OR1J2: variants seen among roughly 807,000 people sequenced by gnomAD.
The protein encoded by OR1J2 is olfactory receptor 1J2.
For synonymous variants in OR1J2, 142 were observed against 99.7 expected (o/e 1.42, Z -2.52); for missense variants, 304 against 246.1 (o/e 1.24, Z -1.57).
chr9:122,532,779 A>G, the OR1J2 span, among the ~76,000 whole-genome samples: 394 of 152,298 alleles, frequency 2.6e-3, 1 homozygote, highest in African/African-American at 9.2e-3. Context: ...GTTTGGACAG[A>G]AAGGCTACAG....
At chr9:122,496,666 T>C in the OR1J2 span, among the ~76,000 whole-genome samples, 1 of 152,092 alleles carries the variant, frequency 6.6e-6, no homozygotes, top group East Asian at 1.9e-4. Context: ...AAGTAACATA[T>C]GTAAGATGAA....
At chr9:122,564,321 T>C in the OR1J2 span, among the ~76,000 whole-genome samples, 1 of 152,158 alleles carries the variant, frequency 6.6e-6, no homozygotes, top group African/African-American at 2.4e-5. Flanking sequence ...TGTGGTTATT[T>C]CTCCAATTCT....
At chr9:122,451,810 A>C in the OR1J2 span, among the ~76,000 whole-genome samples, 1 of 152,270 alleles carries the variant, frequency 6.6e-6, no homozygotes, top group Middle Eastern at 3.4e-3. Context: ...TAATTACTGG[A>C]GGTCATTGCT....
At chr9:122,463,919 G>A in the OR1J2 span, among the ~76,000 whole-genome samples, 14 of 152,170 alleles carry the variant, frequency 9.2e-5, no homozygotes, top group East Asian at 3.9e-4. Context: ...AGGAGGTGGC[G>A]CTTTCAAGAG....
chr9:122,552,538 C>G, the OR1J2 span, among the ~76,000 whole-genome samples: 2 of 151,718 alleles, frequency 1.3e-5, no homozygotes, highest in Non-Finnish European at 2.9e-5. Context: ...TATTTGTATG[C>G]GTGTGTGTGG....
chr9:122,520,077 C>G, the OR1J2 span: 1 of 1,606,372 alleles, frequency 6.2e-7, no homozygotes, highest in Non-Finnish European at 8.5e-7. Context: ...AGTCTTATCT[C>G]AATGACATTT....
chr9:122,489,558 T>G, the OR1J2 span, among the ~76,000 whole-genome samples: 1 of 152,182 alleles, frequency 6.6e-6, no homozygotes, highest in Non-Finnish European at 1.5e-5. Context: ...CCTTTGCGAC[T>G]GGGCTCAAGG....
At chr9:122,463,987 G>A in the OR1J2 span, among the ~76,000 whole-genome samples, 1 of 152,190 alleles carries the variant, frequency 6.6e-6, no homozygotes, top group Non-Finnish European at 1.5e-5. Context: ...GGCAGGGGGT[G>A]GGGCCATAGG....
the OR1J2 span, among the ~76,000 whole-genome samples, chr9:122,557,623 G>A: frequency 6.6e-6 from 1 of 151,806 alleles, no homozygotes; most frequent in Non-Finnish European, 1.5e-5. Flanking sequence ...ACTTTATTAA[G>A]GATTTTTACA....
the OR1J2 span, chr9:122,553,686 G>A: frequency 1.2e-6 from 2 of 1,614,082 alleles, no homozygotes; most frequent in Admixed American, 1.7e-5. Flanking sequence ...CAACTGTCCT[G>A]CCCTGATGCA....
chr9:122,519,578 T>C, the OR1J2 span: 1 of 1,614,202 alleles, frequency 6.2e-7, no homozygotes, highest in Non-Finnish European at 8.5e-7. Context: ...TACTAGTCAC[T>C]GTGTCCTGGA....
the OR1J2 span, among the ~76,000 whole-genome samples, chr9:122,564,421 G>T: frequency 8.5e-5 from 13 of 152,126 alleles, no homozygotes; most frequent in Admixed American, 7.2e-4. Flanking sequence ...TATTATGATG[G>T]GAAAGGCCAA....
At chr9:122,553,849 C>G in the OR1J2 span, 1 of 1,614,044 alleles carries the variant, frequency 6.2e-7, no homozygotes, top group Non-Finnish European at 8.5e-7. Context: ...CTCACTGTTC[C>G]CCTCCTGCTG....
At chr9:122,561,275 G>T in the OR1J2 span, among the ~76,000 whole-genome samples, 1 of 152,012 alleles carries the variant, frequency 6.6e-6, no homozygotes, top group African/African-American at 2.4e-5. Context: ...TTTGCATTGG[G>T]TTAGAACATG....
chr9:122,483,364 A>G, the OR1J2 span, among the ~76,000 whole-genome samples: 3 of 152,232 alleles, frequency 2.0e-5, no homozygotes, highest in African/African-American at 7.2e-5. Context: ...TCAATAGCCA[A>G]TAACTAGATA....
downstream of OR1J2, among the ~76,000 whole-genome samples, chr9:122,511,930 G>GT (rs34178816): frequency 6.6e-6 from 1 of 152,118 alleles, no homozygotes; most frequent in Non-Finnish European, 1.5e-5. Flanking sequence ...ATTCTTTATA[G>GT]TTTTTGGTCA....
the OR1J2 span, among the ~76,000 whole-genome samples, chr9:122,467,537 C>G: frequency 3.3e-5 from 5 of 152,128 alleles, no homozygotes; most frequent in African/African-American, 1.2e-4. Context: ...AATCAAATAC[C>G]TGTCTCTTTA....
the OR1J2 span, chr9:122,567,543 G>A: frequency 6.5e-7 from 1 of 1,549,228 alleles, no homozygotes. Flanking sequence ...TCAAGAGGGT[G>A]CTTCCTAGGA....
the OR1J2 span, chr9:122,567,404 A>G: frequency 2.6e-5 from 15 of 577,298 alleles, no homozygotes; most frequent in Admixed American, 2.7e-4. Flanking sequence ...GTCATCATCA[A>G]TGGATGTAAG....
Sources: gnomAD v4.1 joint callset for allele counts (sites outside exome capture counted in the v4.1 genomes callset) on GRCh38, gnomAD v4.1.1 for gene constraint, MANE v1.5 for transcripts, NCBI Gene and HGNC (gene_info 2026-07-23, HGNC 2026-07-21) for gene names.